Variants in SH2D4A observed in about 807,000 individuals in gnomAD.
SH2D4A encodes the protein SH2 domain-containing protein 4A.
A neutral mutation model predicts 64.7 loss-of-function variants in SH2D4A; 70 were observed. That is an observed-to-expected ratio of 1.08 (90% CI 0.89 to 1.32). The LOEUF is 1.32. Ranked by LOEUF, SH2D4A falls within the 40% of genes most tolerant of loss-of-function variation. The probability of loss-of-function intolerance (pLI) is 0.00; values close to 1 mark genes in which losing one functional copy is unlikely to be tolerated. For missense variants in SH2D4A, 706 were observed against 540.1 expected (o/e 1.31, Z -3.04); for synonymous variants, 268 against 200.7 (o/e 1.34, Z -2.83).
Position 19,394,726 on chromosome 8 carries a change from A to T in SH2D4A, c.*84A>T. 9.8e-7 allele frequency: 1 copy of T among 1,020,464 alleles called. No individual in the cohort carries two copies. The highest frequency in any genetic ancestry group is 1.6e-5 in the African/African-American group (1 of 62,042). The allele number at this position is 1,020,464 out of a possible 1,614,324, so 63.2% of individuals were successfully genotyped here. A position where few individuals can be genotyped will look rare whatever the true frequency, so the allele number is the denominator to read the frequency against. ...ACTGCAACATTTATGTGTGAAGCCAAAATCACCCTGCAGCAGAGCCAATAC... is the reference window on the plus strand; with the variant it reads ...ACTGCAACATTTATGTGTGAAGCCATAATCACCCTGCAGCAGAGCCAATAC... On this transcript the variant is annotated 3_prime_UTR_variant, in exon 10 of 10. Transcript: ENST00000265807.
chr8:19,341,688 C>A (rs2052531356), intron 4 of SH2D4A, among the ~76,000 whole-genome samples: 1 of 151,896 alleles, frequency 6.6e-6, no homozygotes, highest in Non-Finnish European at 1.5e-5. Context: ...ATAAAAAACA[C>A]AAAAATTAGT....
At chr8:19,369,795 T>C (rs1379200491) in intron 7 of SH2D4A, among the ~76,000 whole-genome samples, 1 of 152,096 alleles carries the variant, frequency 6.6e-6, no homozygotes, top group African/African-American at 2.4e-5. Context: ...TTTTGCACAG[T>C]TCTGTAGTCT....
At chr8:19,335,372 C>T (rs1023896668) in intron 4 of SH2D4A, among the ~76,000 whole-genome samples, 1 of 152,044 alleles carries the variant, frequency 6.6e-6, no homozygotes, top group Non-Finnish European at 1.5e-5. Flanking sequence ...ATAAAGCACC[C>T]CTATTTCATG....
chr8:19,373,674 T>C lies in SH2D4A; in HGVS notation c.1048+14T>C, dbSNP rs1424113955. 6.2e-7 allele frequency: 1 copy of C among 1,611,382 alleles called. No homozygotes were observed. The highest frequency in any genetic ancestry group is 8.5e-7 in the Non-Finnish European group (1 of 1,178,494). ...CCTGGTTCCATGGTGAGTGCAGAGATTTCCTCAATGGTGTTTCGTCTTAGG... is the reference window on the plus strand; with the variant it reads ...CCTGGTTCCATGGTGAGTGCAGAGACTTCCTCAATGGTGTTTCGTCTTAGG... On this transcript the variant is annotated intron_variant, in intron 8 of 9. Coordinates refer to ENST00000265807, the MANE Select transcript of SH2D4A (RefSeq NM_022071.4).
chr8:19,345,971 G>A (rs930918830), intron 4 of SH2D4A, among the ~76,000 whole-genome samples: 2 of 152,168 alleles, frequency 1.3e-5, no homozygotes, highest in Admixed American at 6.5e-5. Context: ...AAACCTTAAG[G>A]TCCAGTCTCA....
At chr8:19,324,910 C>G (rs1465181557) in intron 2 of SH2D4A, among the ~76,000 whole-genome samples, 1 of 152,144 alleles carries the variant, frequency 6.6e-6, no homozygotes, top group African/African-American at 2.4e-5. Context: ...TAGGGCAACT[C>G]TTATAACCTT....
chr8:19,367,807 G>A (rs531662089), intron 7 of SH2D4A, among the ~76,000 whole-genome samples: 173 of 152,194 alleles, frequency 1.1e-3, no homozygotes, highest in Non-Finnish European at 2.1e-3. Context: ...TAGGCGTGGT[G>A]GCTCATACCT....
chr8:19,385,204 TG>T (rs1384649850), intron 8 of SH2D4A, among the ~76,000 whole-genome samples: 1 of 142,014 alleles, frequency 7.0e-6, no homozygotes, highest in Non-Finnish European at 1.6e-5. Context: ...ACACTTCAGC[TG>T]TTTTTTTGTT....
intron 4 of SH2D4A, 42 bp downstream of exon 4, chr8:19,334,899 G>T (rs534473912): frequency 1.3e-6 from 2 of 1,549,234 alleles, no homozygotes; most frequent in Non-Finnish European, 8.7e-7. Context: ...TTTCATCATG[G>T]GGGAGAAAAA....
At position 19,348,341 on chromosome 8, in the gene SH2D4A, C is replaced by T. The variant is rs140097803; in HGVS notation, c.514-8862C>T. ...TGAACTTCTGGGCTCAAGTGATCCT[C>T]TTGCCCCTGCCTCCCAAAGTGCTGG... On this transcript the variant is annotated intron_variant, in intron 4 of 9. Coordinates refer to ENST00000265807, the MANE Select transcript of SH2D4A (RefSeq NM_022071.4). 1.2e-3 allele frequency among the ~76,000 whole-genome samples: 184 copies of T among 152,284 alleles called. 2 individuals are homozygous for T. The highest frequency in any genetic ancestry group is 3.9e-3 in the African/African-American group (162 of 41,556).
At chr8:19,315,579 C>G (rs1015361820) in intron 1 of SH2D4A, among the ~76,000 whole-genome samples, 1 of 152,340 alleles carries the variant, frequency 6.6e-6, no homozygotes, top group East Asian at 1.9e-4. Flanking sequence ...TGGAAAACAA[C>G]GGATTCTCTG....
chr8:19,335,920 T>G (rs2052438343), intron 4 of SH2D4A, among the ~76,000 whole-genome samples: 1 of 152,220 alleles, frequency 6.6e-6, no homozygotes, highest in African/African-American at 2.4e-5. Flanking sequence ...TAACAGGGAT[T>G]TGCAGTTGTT....
In SH2D4A at chr8:19,373,346, G is replaced by GTATA. The variant is rs35016045; in HGVS notation, c.918-172_918-169dup. On this transcript the variant is annotated intron_variant, in intron 7 of 9. Coordinates refer to ENST00000265807, the MANE Select transcript of SH2D4A (RefSeq NM_022071.4). ...TCCCCCCACCCCCACACACACATGTGTATATATATATATATGTATATATAT... is the reference window on the plus strand; with the variant it reads ...TCCCCCCACCCCCACACACACATGTGTATATATATATATATATATGTATATATAT... Among the ~76,000 whole-genome samples the GTATA allele has an allele frequency of 4.2e-3, 620 of 146,274 alleles. 6 individuals carry two copies. Among genetic ancestry groups the GTATA allele is most frequent in the African/African-American group, 0.013 (515 of 39,226 alleles).
chr8:19,391,235 C>A (rs2053487410), intron 8 of SH2D4A, among the ~76,000 whole-genome samples: 1 of 152,118 alleles, frequency 6.6e-6, no homozygotes, highest in Non-Finnish European at 1.5e-5. Flanking sequence ...TGTAATTTAT[C>A]AATGGGACCA....
intron 2 of SH2D4A, among the ~76,000 whole-genome samples, chr8:19,327,837 A>C (rs1372723550): frequency 6.6e-6 from 1 of 152,136 alleles, no homozygotes; most frequent in East Asian, 1.9e-4. Context: ...TGCCGACACC[A>C]GTTCTCACCA....
chr8:19,361,181 T>G (rs1461444405), intron 5 of SH2D4A, 22 bp from the exon 6 acceptor site: 9 of 1,396,800 alleles, frequency 6.4e-6, no homozygotes, highest in Non-Finnish European at 7.9e-6. Context: ...TTTTTGTTTT[T>G]TTTTGTTTTG....
chr8:19,388,015 G>T (rs2053420085), intron 8 of SH2D4A, among the ~76,000 whole-genome samples: 1 of 150,210 alleles, frequency 6.7e-6, no homozygotes, highest in Admixed American at 6.6e-5. Flanking sequence ...AGTCCATGAT[G>T]CACTGTCCCC....
At chr8:19,374,252 C>A (rs1254160753) in intron 8 of SH2D4A, among the ~76,000 whole-genome samples, 1 of 152,136 alleles carries the variant, frequency 6.6e-6, no homozygotes, top group Non-Finnish European at 1.5e-5. Flanking sequence ...TAAACATTTT[C>A]TGTATTTGAC....
chr8:19,338,910 T>C (rs771757716), intron 4 of SH2D4A, among the ~76,000 whole-genome samples: 1 of 152,168 alleles, frequency 6.6e-6, no homozygotes, highest in Non-Finnish European at 1.5e-5. Flanking sequence ...TAGACGTATA[T>C]ATGAAAGGGA....
Sources: allele counts gnomAD v4.1 joint callset (sites outside exome capture counted in the v4.1 genomes callset), GRCh38; gene constraint gnomAD v4.1.1; transcripts MANE v1.5; gene names NCBI Gene and HGNC (gene_info 2026-07-23, HGNC 2026-07-21).